The following MMP14 variants were observed in gnomAD, a reference collection of about 807,000 sequenced individuals.
The protein encoded by MMP14 is matrix metallopeptidase 14, also known as matrix metalloproteinase-14.
In MMP14, 13 loss-of-function variants were observed where a neutral mutation model predicts 64.8. That is an observed-to-expected ratio of 0.20 (90% CI 0.13 to 0.32). The LOEUF (loss-of-function observed/expected upper bound fraction) is 0.32, where lower values mean the gene tolerates loss of function less well. MMP14 is among the 10% of genes least tolerant of loss of function. The pLI, the probability that MMP14 is intolerant of heterozygous loss-of-function variation, is 1.00. For synonymous variants in MMP14, 322 were observed against 315.9 expected (o/e 1.02, Z -0.20); for missense variants, 594 against 783.8 (o/e 0.76, Z 2.89).
rs886251745 is a variant in MMP14, at chr14:22,843,626, C to A, written c.851-84C>A. 2 of 1,487,788 alleles carry A rather than the reference C, an allele frequency of 1.3e-6. No homozygotes were observed. Among genetic ancestry groups the A allele is most frequent in the Non-Finnish European group, 1.8e-6 (2 of 1,101,740 alleles). The allele number at this position is 1,487,788 out of a possible 1,614,324, so 92.2% of individuals were successfully genotyped here. ...CCCTAGAAGCCCATCCACACCTTTC[C>A]AAGGGTATTGTCTGCCCATCTGTCT... On this transcript the variant is annotated intron_variant, in intron 5 of 9. Transcript: ENST00000311852. This position sits in a 1 kb window ranked among gnomAD's most constrained non-coding sequence, Gnocchi z 4.8.
chr14:22,845,150 T>C (rs1364253984), intron 8 of MMP14, 101 bp from the exon 9 acceptor site: 2 of 840,652 alleles, frequency 2.4e-6, no homozygotes, highest in Non-Finnish European at 3.9e-6. Flanking sequence ...CCCCACCCTG[T>C]CCACAGCTAT....
chr14:22,845,880 C>T lies in MMP14; in HGVS notation c.1590C>T (p.Asp530=), dbSNP rs767065741. 4.3e-6 allele frequency: 7 copies of T among 1,613,692 alleles called. No homozygotes were observed. The highest frequency in any genetic ancestry group is 4.0e-5 in the African/African-American group (3 of 74,924). The change falls in exon 10 of 10, where the codon GAC becomes GAT. Residue 530 remains aspartate (D), a synonymous_variant. Transcript: ENST00000311852. ...EETEVIIIEV[D]EEGGGAVSAA... Reference sequence around the variant, plus strand: ...CGGAGGTGATCATCATTGAGGTGGACGAGGAGGGCGGCGGGGCGGTGAGCG... The same window carrying T: ...CGGAGGTGATCATCATTGAGGTGGATGAGGAGGGCGGCGGGGCGGTGAGCG...
rs138404613 is a variant in MMP14, at chr14:22,843,551, A to T, written c.850+133A>T. 1,527 of 1,388,804 alleles carry T rather than the reference A, an allele frequency of 1.1e-3. 17 individuals carry two copies. In the African/African-American group the frequency reaches 0.019, roughly 17 times the overall value. The allele number at this position is 1,388,804 out of a possible 1,614,324, so 86.0% of individuals were successfully genotyped here. Reference sequence around the variant, plus strand: ...ACCTGCCCCTGCCTCTATCAGCTCCACTTTTGAGCCCATCTTTTGTGTCGC... The same window carrying T: ...ACCTGCCCCTGCCTCTATCAGCTCCTCTTTTGAGCCCATCTTTTGTGTCGC... On this transcript the variant is annotated intron_variant, in intron 5 of 9. Coordinates refer to ENST00000311852, the MANE Select transcript of MMP14 (RefSeq NM_004995.4). The surrounding 1 kb of genome is among the most constrained non-coding windows in gnomAD (Gnocchi z 4.8).
In MMP14 at chr14:22,845,752, A is replaced by C. The variant is rs2039807941; in HGVS notation, c.1462A>C (p.Asn488His). 6.2e-7 allele frequency: 1 copy of C among 1,613,988 alleles called. No homozygotes were observed. Among genetic ancestry groups the C allele is most frequent in the Non-Finnish European group, 8.5e-7 (1 of 1,180,030 alleles). The part of the protein sequence containing the change: ...YKGNKYWKFN[N>H]QKLKVEPGYP... ...GGGGAACAAATACTGGAAATTCAACAACCAGAAGCTGAAGGTAGAACCGGG... is the reference window on the plus strand; with the variant it reads ...GGGGAACAAATACTGGAAATTCAACCACCAGAAGCTGAAGGTAGAACCGGG... Residue 488 changes from asparagine (N) to histidine (H), a missense_variant, in exon 10 of 10, where the codon AAC becomes CAC. Asn to His is a moderately conservative substitution (Grantham distance 68). Transcript: ENST00000311852.
Position 22,836,923 on chromosome 14 carries a change from G to T in MMP14, c.106G>T (p.Glu36Ter). ...GGCCCAAAGCAGCAGCTTCAGCCCC[G>T]AAGTAAGTGAGCTTCCCGGCCCTTC... ...GSAQSSSFSP[E>*]AWLQQYGYLP... The change falls in exon 1 of 10, where the codon GAA (glutamate) becomes TAA (stop). Residue 36 changes from glutamate to a stop codon, truncating the protein, a stop_gained and splice_region_variant. Transcript: ENST00000311852. LOFTEE classifies it high-confidence loss of function. 1.2e-6 allele frequency: 2 copies of T among 1,612,654 alleles called. No homozygotes were observed. Among genetic ancestry groups the T allele is most frequent in the Non-Finnish European group, 1.7e-6 (2 of 1,179,218 alleles).
At position 22,843,330 on chromosome 14, in the gene MMP14, G is replaced by A. The variant is rs778828438; in HGVS notation, c.762G>A (p.Ser254=). 1.1e-4 allele frequency: 185 copies of A among 1,613,968 alleles called. No individual in the cohort carries two copies. In the East Asian group the frequency reaches 3.3e-3, roughly 29 times the overall value. The change falls in exon 5 of 10, where the codon TCG becomes TCA. Residue 254 remains serine, a synonymous_variant. Coordinates refer to ENST00000311852, the MANE Select transcript of MMP14 (RefSeq NM_004995.4). The surrounding 1 kb of genome is among the most constrained non-coding windows in gnomAD (Gnocchi z 4.8). ...ALGLEHSSDP[S]AIMAPFYQWM... ...GGCTCGAGCATTCCAGTGACCCCTCGGCCATCATGGCACCCTTTTACCAGT... is the reference window on the plus strand; with the variant it reads ...GGCTCGAGCATTCCAGTGACCCCTCAGCCATCATGGCACCCTTTTACCAGT...
Position 22,845,807 on chromosome 14 carries a change from T to A in MMP14, c.1517T>A (p.Met506Lys), listed in dbSNP as rs773145545. ...GYPKSALRDW[M>K]GCPSGGRPDE... ...CCCAAGTCAGCCCTGAGGGACTGGA[T>A]GGGCTGCCCATCGGGAGGCCGGCCG... is the stretch of plus-strand genomic sequence containing the variant. Residue 506 changes from methionine (M) to lysine (K), a missense_variant, in exon 10 of 10, where the codon ATG becomes AAG. Met to Lys is a moderately conservative substitution (Grantham distance 95, BLOSUM62 -1). Transcript: ENST00000311852. 1.2e-6 allele frequency: 2 copies of A among 1,614,154 alleles called. No homozygotes were observed. The highest frequency in any genetic ancestry group is 1.7e-6 in the Non-Finnish European group (2 of 1,180,030).
At chr14:22,838,250 G>A (rs1447455017) in intron 1 of MMP14, among the ~76,000 whole-genome samples, 2 of 152,162 alleles carry the variant, frequency 1.3e-5, no homozygotes, top group Non-Finnish European at 2.9e-5. Context: ...GAAAGGGAGC[G>A]CCCCTAACAA....
chr14:22,844,296 G>C, intron 6 of MMP14, 75 bp from the exon 7 acceptor site: 1 of 1,584,614 alleles, frequency 6.3e-7, no homozygotes, highest in Non-Finnish European at 8.6e-7. Context: ...ACAGCAGTGC[G>C]GGAGCTTTGG....
rs2039736006 is a variant in MMP14 at position 22,836,889 on chromosome 14, C to T, written c.72C>T (p.Ser24=). 6.2e-7 allele frequency: 1 copy of T among 1,613,828 alleles called. No homozygotes were observed. The highest frequency in any genetic ancestry group is 8.5e-7 in the Non-Finnish European group (1 of 1,179,850). The part of the protein sequence containing the change: ...PLLTLGTALA[S]LGSAQSSSFS... Reference sequence around the variant, plus strand: ...TCACGCTCGGCACCGCGCTCGCCTCCCTCGGCTCGGCCCAAAGCAGCAGCT... The same window carrying T: ...TCACGCTCGGCACCGCGCTCGCCTCTCTCGGCTCGGCCCAAAGCAGCAGCT... The change falls in exon 1 of 10, where the codon TCC becomes TCT. Residue 24 remains serine, a synonymous_variant. Transcript: ENST00000311852.
chr14:22,844,892 G>A, intron 8 of MMP14, 112 bp downstream of exon 8: 2 of 1,438,790 alleles, frequency 1.4e-6, no homozygotes, highest in Non-Finnish European at 1.9e-6. Context: ...CCCTGGAGAA[G>A]GAGCTGGCTG....
In MMP14 at chr14:22,845,289, G is replaced by T. The variant is rs760395658; in HGVS notation, c.1340G>T (p.Ser447Ile). 2 of 1,613,802 alleles carry T rather than the reference G, an allele frequency of 1.2e-6. No individual in the cohort carries two copies. The highest frequency in any genetic ancestry group is 1.7e-6 in the Non-Finnish European group (2 of 1,179,910). Residue 447 changes from serine to isoleucine, a missense_variant, in exon 9 of 10, where the codon AGC becomes ATC. By Grantham distance (142) the Ser-to-Ile change is moderately radical. Around this residue, in one of 4 missense-constraint regions of MMP14, gnomAD observed 364 missense variants for 425.2 expected, o/e 0.86. Transcript: ENST00000311852. ...RFNEELRAVDSEYPKNIKVWE... is the reference protein window; with the variant it reads ...RFNEELRAVDIEYPKNIKVWE... ...AACGAAGAGCTCAGGGCAGTGGATAGCGAGTACCCCAAGAACATCAAAGTC... is the reference window on the plus strand; with the variant it reads ...AACGAAGAGCTCAGGGCAGTGGATATCGAGTACCCCAAGAACATCAAAGTC...
In MMP14 at chr14:22,846,137, G is replaced by GC. The variant is rs1276222170; in HGVS notation, c.*103dup. On this transcript the variant is annotated 3_prime_UTR_variant, in exon 10 of 10. Transcript: ENST00000311852. ...GGGTGGGCTGTTCCCATCGTCCCGA[G>GC]CCCCCTCCCCGCAGCCTCCTTGCTT... 8.4e-6 allele frequency: 10 copies of GC among 1,195,782 alleles called. No individual in the cohort carries two copies. Among genetic ancestry groups the GC allele is most frequent in the Non-Finnish European group, 1.1e-5 (10 of 882,410 alleles). The allele number at this position is 1,195,782 out of a possible 1,614,324, so 74.1% of individuals were successfully genotyped here.
At position 22,842,227 on chromosome 14, in the gene MMP14, A is replaced by G. The variant is rs1319055348; in HGVS notation, c.381-183A>G. ...TCAAGGGTGCACCCCAGTGCCAGAG[A>G]GCCAGAGCCTGAGGATCCCTTGTTC... On this transcript the variant is annotated intron_variant, in intron 3 of 9. Coordinates refer to ENST00000311852, the MANE Select transcript of MMP14 (RefSeq NM_004995.4). The surrounding 1 kb of genome is among the most constrained non-coding windows in gnomAD (Gnocchi z 5.3). 6 of 1,000,296 alleles carry G rather than the reference A, an allele frequency of 6.0e-6. No individual in the cohort carries two copies. In the East Asian group the frequency reaches 1.0e-4, roughly 17 times the overall value. 62.0% of individuals were successfully genotyped at this position (1,000,296 alleles called of 1,614,324 possible).
intron 1 of MMP14, 80 bp from the exon 2 acceptor site, chr14:22,841,411 T>C: frequency 1.3e-6 from 2 of 1,562,738 alleles, no homozygotes; most frequent in Non-Finnish European, 8.7e-7. Flanking sequence ...GCCAAGGCTG[T>C]ATGCTGGGCA....
rs954541590 is a variant in MMP14 at position 22,842,463 on chromosome 14, G to T, written c.434G>T (p.Arg145Leu). ...GAGTATGCCACATACGAGGCCATTC[G>T]CAAGGCGTTCCGCGTGTGGGAGAGT... ...VGEYATYEAI[R>L]KAFRVWESAT... Residue 145 changes from arginine (R) to leucine (L), a missense_variant, in exon 4 of 10, where the codon CGC becomes CTC. By Grantham distance (102) the Arg-to-Leu change is moderately radical (BLOSUM62 -2). Transcript: ENST00000311852. The surrounding 1 kb of genome is among the most constrained non-coding windows in gnomAD (Gnocchi z 5.3). 2 of 1,613,930 alleles carry T rather than the reference G, an allele frequency of 1.2e-6. No individual in the cohort carries two copies. Among genetic ancestry groups the T allele is most frequent in the African/African-American group, 2.7e-5 (2 of 74,932 alleles).
At position 22,841,953 on chromosome 14, in the gene MMP14, G is replaced by A; in HGVS notation, c.298G>A (p.Gly100Arg). The A allele has an allele frequency of 1.2e-6, 2 of 1,614,242 alleles. No individual in the cohort carries two copies. Among genetic ancestry groups the A allele is most frequent in the Non-Finnish European group, 1.7e-6 (2 of 1,180,048 alleles). ...RPRCGVPDKF[G>R]AEIKANVRRK... ...CCGATGTGGTGTTCCAGACAAGTTT[G>A]GGGCTGAGATCAAGGCCAATGTTCG... The change falls in exon 3 of 10, where the codon GGG becomes AGG. Residue 100 changes from glycine (G) to arginine (R), a missense_variant. Transcript: ENST00000311852.
At position 22,844,733 on chromosome 14, in the gene MMP14, T is replaced by C. The variant is rs2039799833; in HGVS notation, c.1254T>C (p.Ala418=). The change falls in exon 8 of 10, where the codon GCT becomes GCC. Residue 418 remains alanine (A), a synonymous_variant. Transcript: ENST00000311852. ...TGCCTACCGACAAGATTGATGCTGC[T>C]CTCTTCTGGATGCCCAATGGAAAGA... is the stretch of plus-strand genomic sequence containing the variant. ...RGLPTDKIDA[A]LFWMPNGKTY... 1 of 1,613,870 alleles carries C rather than the reference T, an allele frequency of 6.2e-7. No homozygotes were observed. Among genetic ancestry groups the C allele is most frequent in the Non-Finnish European group, 8.5e-7 (1 of 1,179,994 alleles).
chr14:22,842,726 AGTATCCCTG>A lies in MMP14; in HGVS notation c.688+11_688+19del, dbSNP rs776053716. 4.2e-5 allele frequency: 66 copies of A among 1,587,010 alleles called. No individual in the cohort carries two copies. The highest frequency in any genetic ancestry group is 1.4e-4 in the Admixed American group (8 of 58,116). On this transcript the variant is annotated intron_variant, in intron 4 of 9. Transcript: ENST00000311852. This position sits in a 1 kb window ranked among gnomAD's most constrained non-coding sequence, Gnocchi z 5.3. ...GAATGAGGATCTGAATGGTGAGCCA[AGTATCCCTG>A]GGACTTACTCTGGAAAAAGCCAACA...
Sources: gnomAD v4.1 joint callset for allele counts (sites outside exome capture counted in the v4.1 genomes callset) on GRCh38, gnomAD v4.1.1 for gene constraint, gnomAD v4.1.1 regional missense constraint, Gnocchi (gnomAD v3.1) non-coding constraint, MANE v1.5 for transcripts, NCBI Gene and HGNC (gene_info 2026-07-23, HGNC 2026-07-21) for gene names.